Variants in CRPPA observed in about 807,000 individuals in gnomAD.
CRPPA encodes D-ribitol-5-phosphate cytidylyltransferase.
Under a neutral mutation model 52.0 loss-of-function variants are expected in CRPPA, and 43 were observed. That is an observed-to-expected ratio of 0.83 (90% CI 0.65 to 1.07). The LOEUF (loss-of-function observed/expected upper bound fraction) is 1.07, where lower values mean the gene tolerates loss of function less well. Ranked by LOEUF, CRPPA falls within the 50% of genes least tolerant of loss-of-function variation. CRPPA has a pLI of 0.00. For missense variants in CRPPA, 629 were observed against 551.7 expected (o/e 1.14, Z -1.40); for synonymous variants, 250 against 203.5 (o/e 1.23, Z -1.94).
At chr7:16,315,793 A>G (rs1785132325) in intron 3 of CRPPA, among the ~76,000 whole-genome samples, 2 of 152,042 alleles carry the variant, frequency 1.3e-5, no homozygotes, top group African/African-American at 4.8e-5. Context: ...GTCTCTAGCA[A>G]TTCTTCAATT....
At chr7:16,259,982 TTC>T (rs1783752666) in intron 6 of CRPPA, among the ~76,000 whole-genome samples, 1 of 152,032 alleles carries the variant, frequency 6.6e-6, no homozygotes, top group Non-Finnish European at 1.5e-5. Context: ...AAAATTTTAG[TTC>T]AGTTTAAAAT....
intron 8 of CRPPA, among the ~76,000 whole-genome samples, chr7:16,226,509 C>A (rs1183524467): frequency 6.6e-6 from 1 of 151,814 alleles, no homozygotes. Flanking sequence ...AAATAAAACA[C>A]AGTCTACAAG....
At chr7:16,258,594 C>A in intron 7 of CRPPA, 112 bp from the exon 8 acceptor site, 1 of 645,750 alleles carries the variant, frequency 1.5e-6, no homozygotes, top group African/African-American at 1.9e-5. Context: ...ATTTATCAAA[C>A]TTAGTTTTTA....
intron 3 of CRPPA, among the ~76,000 whole-genome samples, chr7:16,313,051 A>G (rs1785067208): frequency 6.6e-6 from 1 of 151,816 alleles, no homozygotes; most frequent in Non-Finnish European, 1.5e-5. Context: ...CCTTTTTTGT[A>G]TGGTTTATTG....
chr7:16,323,091 T>C (rs998329443), intron 3 of CRPPA, among the ~76,000 whole-genome samples: 1 of 152,094 alleles, frequency 6.6e-6, no homozygotes, highest in African/African-American at 2.4e-5. Flanking sequence ...ATTATGGAGA[T>C]TACAACTCAA....
intron 9 of CRPPA, among the ~76,000 whole-genome samples, chr7:16,105,832 G>C (rs991404850): frequency 1.3e-5 from 2 of 151,978 alleles, no homozygotes; most frequent in Non-Finnish European, 2.9e-5. Context: ...AGGCTAAATT[G>C]GCTTGACCCA....
In CRPPA at chr7:16,173,222, G is replaced by A. The variant is rs1022780496; in HGVS notation, c.1251+42844C>T. On this transcript the variant is annotated intron_variant, in intron 9 of 9. Coordinates refer to ENST00000407010, the MANE Select transcript of CRPPA (RefSeq NM_001101426.4). The stretch of plus-strand genomic sequence containing the variant: ...GTTCATCCAGGTGGTTCTAGTGCAG[G>A]CTAGGAGTAAATTCATTAATCAAGT... Among the ~76,000 whole-genome samples the A allele has an allele frequency of 6.6e-5, 10 of 152,268 alleles. No individual in the cohort carries two copies. The Middle Eastern group carries it at 0.014, about 207-fold the overall frequency.
chr7:16,176,303 T>G (rs951002115), intron 9 of CRPPA, among the ~76,000 whole-genome samples: 1 of 152,178 alleles, frequency 6.6e-6, no homozygotes, highest in Non-Finnish European at 1.5e-5. Flanking sequence ...TATGCGTCAT[T>G]CTACACTTAA....
intron 9 of CRPPA, among the ~76,000 whole-genome samples, chr7:16,194,847 G>GGT (rs1481567696): frequency 1.2e-5 from 1 of 86,666 alleles, no homozygotes; most frequent in African/African-American, 3.5e-5. Context: ...TTGGTCTTTT[G>GGT]GTTTTTTTTT....
chr7:16,258,846 T>C, intron 7 of CRPPA, 74 bp downstream of exon 7: 1 of 853,218 alleles, frequency 1.2e-6, no homozygotes, highest in Non-Finnish European at 1.8e-6. Flanking sequence ...TATATAAATA[T>C]TTAAGAATCA....
intron 6 of CRPPA, among the ~76,000 whole-genome samples, chr7:16,267,309 C>T (rs181725313): frequency 9.1e-4 from 138 of 152,212 alleles, no homozygotes; most frequent in African/African-American, 3.0e-3. Flanking sequence ...GTGTATTTCT[C>T]GAATTTCAAT....
chr7:16,299,945 A>G (rs1473983090), intron 5 of CRPPA, among the ~76,000 whole-genome samples: 22 of 152,178 alleles, frequency 1.4e-4, no homozygotes, highest in Non-Finnish European at 1.5e-5. Context: ...CTATTTTCCT[A>G]CGTAGTACAT....
chr7:16,191,917 T>C (rs1368268477), intron 9 of CRPPA, among the ~76,000 whole-genome samples: 7 of 152,154 alleles, frequency 4.6e-5, no homozygotes, highest in Non-Finnish European at 8.8e-5. Flanking sequence ...GAATGCAAGA[T>C]GTACAAATGC....
At chr7:16,156,115 CAAAAAA>C (rs35258024) in intron 9 of CRPPA, among the ~76,000 whole-genome samples, 5 of 111,990 alleles carry the variant, frequency 4.5e-5, no homozygotes, top group Non-Finnish European at 7.4e-5. Context: ...TATTCAAAAG[CAAAAAA>C]AAAAAAAAAA....
intron 6 of CRPPA, among the ~76,000 whole-genome samples, chr7:16,273,858 C>T (rs1234043714): frequency 6.6e-6 from 1 of 152,136 alleles, no homozygotes; most frequent in African/African-American, 2.4e-5. Context: ...GCCATCGCGC[C>T]CAGAAGGACT....
chr7:16,240,780 T>A (rs1783084354), intron 8 of CRPPA, among the ~76,000 whole-genome samples: 1 of 152,146 alleles, frequency 6.6e-6, no homozygotes, highest in South Asian at 2.1e-4. Flanking sequence ...AACAGAGGAA[T>A]AAGCAGGTAA....
intron 2 of CRPPA, among the ~76,000 whole-genome samples, chr7:16,389,097 G>C (rs1787371425): frequency 6.6e-6 from 1 of 152,070 alleles, no homozygotes; most frequent in African/African-American, 2.4e-5. Context: ...CCTATAAAAA[G>C]GGAATTGAAT....
chr7:16,252,513 T>G (rs1027435608), intron 8 of CRPPA, among the ~76,000 whole-genome samples: 1 of 152,130 alleles, frequency 6.6e-6, no homozygotes, highest in South Asian at 2.1e-4. Flanking sequence ...TTGCCAGTAT[T>G]TTATTGAGGA....
intron 8 of CRPPA, among the ~76,000 whole-genome samples, chr7:16,222,613 A>G (rs1782546553): frequency 6.6e-6 from 1 of 152,152 alleles, no homozygotes; most frequent in Non-Finnish European, 1.5e-5. Context: ...AATAATACAA[A>G]TAAAATTCAA....
Sources: allele counts gnomAD v4.1 joint callset (sites outside exome capture counted in the v4.1 genomes callset), GRCh38; gene constraint gnomAD v4.1.1; transcripts MANE v1.5; gene names NCBI Gene and HGNC (gene_info 2026-07-23, HGNC 2026-07-21).